Variants in SRBD1 observed in about 807,000 individuals in gnomAD.
The protein encoded by SRBD1 is S1 RNA binding domain 1.
SRBD1 carries 88 observed loss-of-function variants against 115.3 expected under a neutral mutation model. The ratio of observed to expected loss-of-function variants is 0.76; its 90% CI spans 0.64 to 0.91. The LOEUF (loss-of-function observed/expected upper bound fraction) is 0.91. Ranked by LOEUF, SRBD1 falls within the 40% of genes least tolerant of loss-of-function variation. The pLI is 0.00. For synonymous variants in SRBD1, 509 were observed against 407.7 expected (o/e 1.25, Z -2.99); for missense variants, 1,385 against 1,177.4 (o/e 1.18, Z -2.58).
intron 14 of SRBD1, among the ~76,000 whole-genome samples, chr2:45,491,383 G>T (rs1400841342): frequency 1.3e-5 from 2 of 152,110 alleles, no homozygotes; most frequent in Non-Finnish European, 2.9e-5. Flanking sequence ...CTAGCAATTT[G>T]ATTATTTTAT....
intron 16 of SRBD1, among the ~76,000 whole-genome samples, chr2:45,475,847 C>T (rs115226996): frequency 0.026 from 3,966 of 152,196 alleles, 178 homozygotes; most frequent in African/African-American, 0.09. Flanking sequence ...TACAGGTGCG[C>T]GCCACCATAC....
Position 45,403,936 on chromosome 2 carries a change from T to C in SRBD1, c.2513+9178A>G, listed in dbSNP as rs530850550. On this transcript the variant is annotated intron_variant, in intron 19 of 20. Coordinates refer to ENST00000263736, the MANE Select transcript of SRBD1 (RefSeq NM_018079.5). ...ATTTTGTTGATGATTTTATGCATCA[T>C]TTAGAACGTGCAGAGCACTGTGGCA... Among the ~76,000 whole-genome samples, 453 of 152,250 alleles carry C rather than the reference T, an allele frequency of 3.0e-3. 3 individuals are homozygous for C. Among genetic ancestry groups the C allele is most frequent in the African/African-American group, 0.01 (423 of 41,562 alleles).
At chr2:45,393,164 CAA>C in intron 19 of SRBD1, 35 bp from the exon 20 acceptor site, 1 of 1,557,112 alleles carries the variant, frequency 6.4e-7, no homozygotes, top group Non-Finnish European at 8.6e-7. Flanking sequence ...CAACACTTAA[CAA>C]TATTACTCCT....
chr2:45,601,511 T>G (rs1674091589), intron 3 of SRBD1, among the ~76,000 whole-genome samples: 1 of 152,242 alleles, frequency 6.6e-6, no homozygotes. Context: ...ACTTACTATC[T>G]GTACACCGTG....
intron 9 of SRBD1, among the ~76,000 whole-genome samples, chr2:45,566,427 A>T (rs1672833158): frequency 6.6e-6 from 1 of 152,222 alleles, no homozygotes; most frequent in African/African-American, 2.4e-5. Flanking sequence ...CTCTGAAACC[A>T]TTATGCTAAG....
At chr2:45,504,477 G>C (rs1670738065) in intron 14 of SRBD1, among the ~76,000 whole-genome samples, 1 of 152,034 alleles carries the variant, frequency 6.6e-6, no homozygotes, top group African/African-American at 2.4e-5. Flanking sequence ...TCAGACCAGA[G>C]ATTCAAGATA....
chr2:45,505,354 G>C (rs557034194), intron 14 of SRBD1, among the ~76,000 whole-genome samples: 1 of 152,268 alleles, frequency 6.6e-6, no homozygotes, highest in Admixed American at 6.5e-5. Flanking sequence ...ATTCTGAAAA[G>C]AGCAAACCTC....
intron 10 of SRBD1, among the ~76,000 whole-genome samples, chr2:45,560,325 A>G (rs1316411461): frequency 1.3e-5 from 2 of 152,228 alleles, no homozygotes; most frequent in East Asian, 1.9e-4. Context: ...TTCTTTAACT[A>G]CTGAGGACTG....
chr2:45,413,433 A>G, intron 18 of SRBD1, 140 bp from the exon 19 acceptor site: 1 of 950,120 alleles, frequency 1.1e-6, no homozygotes, highest in Non-Finnish European at 1.5e-6. Context: ...CTTCATAGAA[A>G]CTACCACTTA....
intron 19 of SRBD1, among the ~76,000 whole-genome samples, chr2:45,411,000 C>T (rs1357437397): frequency 1.3e-5 from 2 of 152,020 alleles, no homozygotes; most frequent in Non-Finnish European, 2.9e-5. Flanking sequence ...TAGATGTTTC[C>T]CTGAGTTCTG....
At chr2:45,497,305 G>C (rs995964759) in intron 14 of SRBD1, among the ~76,000 whole-genome samples, 1 of 152,134 alleles carries the variant, frequency 6.6e-6, no homozygotes, top group Non-Finnish European at 1.5e-5. Flanking sequence ...TATTTTTACT[G>C]TCATTGCCCT....
rs533136019 is a variant in SRBD1, at chr2:45,512,003, T to C, written c.1875-23672A>G. Among the ~76,000 whole-genome samples, 14 of 152,344 alleles carry C rather than the reference T, an allele frequency of 9.2e-5. No individual in the cohort carries two copies. The East Asian group carries it at 2.3e-3, about 25-fold the overall frequency. On this transcript the variant is annotated intron_variant, in intron 14 of 20. Coordinates refer to ENST00000263736, the MANE Select transcript of SRBD1 (RefSeq NM_018079.5). ...CAAGAGCCCTTTGAGACACACAGCA[T>C]GGCTACGTGATTTGCTTTGCTTTAT...
intron 16 of SRBD1, among the ~76,000 whole-genome samples, chr2:45,459,156 C>A (rs973187059): frequency 2.0e-5 from 3 of 152,104 alleles, no homozygotes; most frequent in Admixed American, 2.0e-4. Context: ...TAGATGTGAA[C>A]CACAACAGAA....
chr2:45,500,214 TGATTA>T (rs1670584759), intron 14 of SRBD1, among the ~76,000 whole-genome samples: 1 of 144,902 alleles, frequency 6.9e-6, no homozygotes, highest in Non-Finnish European at 1.5e-5. Context: ...TTGACTTCTT[TGATTA>T]AATTTATCCT....
intron 9 of SRBD1, among the ~76,000 whole-genome samples, chr2:45,570,644 CAG>C (rs1672977136): frequency 6.6e-6 from 1 of 152,140 alleles, no homozygotes; most frequent in Non-Finnish European, 1.5e-5. Flanking sequence ...GAAAGAAACA[CAG>C]AAAGAAGTTG....
chr2:45,466,091 C>T (rs1669478160), intron 16 of SRBD1, among the ~76,000 whole-genome samples: 1 of 152,132 alleles, frequency 6.6e-6, no homozygotes, highest in Non-Finnish European at 1.5e-5. Context: ...GCTTTTATTG[C>T]ACTAGAAGAG....
At chr2:45,500,644 G>A (rs957135084) in intron 14 of SRBD1, among the ~76,000 whole-genome samples, 1 of 152,070 alleles carries the variant, frequency 6.6e-6, no homozygotes, top group African/African-American at 2.4e-5. Flanking sequence ...TTGAACTCAT[G>A]CGCTCAAGCA....
chr2:45,605,173 G>C (rs570209314), intron 2 of SRBD1, among the ~76,000 whole-genome samples, 189 bp downstream of exon 2: 94 of 152,174 alleles, frequency 6.2e-4, no homozygotes, highest in African/African-American at 2.2e-3. Flanking sequence ...CTCTCCTTTC[G>C]ATACTTTATT....
At chr2:45,440,351 G>T (rs1336898218) in intron 16 of SRBD1, among the ~76,000 whole-genome samples, 1 of 152,132 alleles carries the variant, frequency 6.6e-6, no homozygotes, top group South Asian at 2.1e-4. Flanking sequence ...GATACAGGTC[G>T]ATATGGTGGA....
Sources: allele counts gnomAD v4.1 joint callset (sites outside exome capture counted in the v4.1 genomes callset), GRCh38; gene constraint gnomAD v4.1.1; transcripts MANE v1.5; gene names NCBI Gene and HGNC (gene_info 2026-07-23, HGNC 2026-07-21).